PDE3A: variants seen among roughly 807,000 people sequenced by gnomAD.
PDE3A encodes phosphodiesterase 3A, also known as cGMP-inhibited 3',5'-cyclic phosphodiesterase 3A.
In PDE3A, 43 loss-of-function variants were observed where a neutral mutation model predicts 98.3. The ratio of observed to expected loss-of-function variants is 0.44; its 90% CI spans 0.34 to 0.56. PDE3A has a LOEUF of 0.56. Among genes scored for constraint, PDE3A ranks in the 20% least tolerant of loss-of-function variants. The pLI, the probability that PDE3A is intolerant of heterozygous loss-of-function variation, is 0.01. For missense variants in PDE3A, 1,427 were observed against 1,440.7 expected (o/e 0.99, Z 0.15); for synonymous variants, 663 against 567.9 (o/e 1.17, Z -2.38).
At chr12:20,404,520 A>C in intron 1 of PDE3A, among the ~76,000 whole-genome samples, 1 of 152,164 alleles carries the variant, frequency 6.6e-6, no homozygotes, top group East Asian at 1.9e-4. Context: ...CTTTATTCTG[A>C]GTTCAACCTA....
At chr12:20,398,986 C>T (rs985176046) in intron 1 of PDE3A, among the ~76,000 whole-genome samples, 16 of 152,152 alleles carry the variant, frequency 1.1e-4, no homozygotes, top group Admixed American at 9.8e-4. Context: ...ATTCCCTCTT[C>T]CTCCCAGCCC....
At chr12:20,576,669 T>TCATTTTAA (rs144952171) in intron 2 of PDE3A, among the ~76,000 whole-genome samples, 4,854 of 152,238 alleles carry the variant, frequency 0.032, 98 homozygotes, top group Middle Eastern at 0.048. Flanking sequence ...TAGACAGTTT[T>TCATTTTAA]CATTTTAAGT....
In PDE3A at chr12:20,372,301, G is replaced by C. The variant is rs547231689; in HGVS notation, c.960+2057G>C. On this transcript the variant is annotated intron_variant, in intron 1 of 15. Coordinates refer to ENST00000359062, the MANE Select transcript of PDE3A (RefSeq NM_000921.5). ...TTGGTCACTATTTTTTTTAAAGACT[G>C]TGTTAATGAAGATTATTCTAAAGTG... is the stretch of plus-strand genomic sequence containing the variant. 1.1e-3 allele frequency among the ~76,000 whole-genome samples: 173 copies of C among 152,184 alleles called. 1 individual carries two copies. Among genetic ancestry groups the C allele is most frequent in the African/African-American group, 4.1e-3 (172 of 41,538 alleles).
intron 1 of PDE3A, among the ~76,000 whole-genome samples, chr12:20,467,795 C>T (rs979909783): frequency 6.6e-6 from 1 of 151,462 alleles, no homozygotes; most frequent in Non-Finnish European, 1.5e-5. Flanking sequence ...AGTAGCTGGG[C>T]ATGGTGGCAC....
At chr12:20,435,479 C>T (rs1486368527) in intron 1 of PDE3A, among the ~76,000 whole-genome samples, 1 of 151,904 alleles carries the variant, frequency 6.6e-6, no homozygotes, top group African/African-American at 2.4e-5. Context: ...GGTTATACAA[C>T]TGCTGGAACA....
chr12:20,524,856 C>T (rs900931113), intron 1 of PDE3A, among the ~76,000 whole-genome samples: 6 of 151,974 alleles, frequency 3.9e-5, no homozygotes, highest in Non-Finnish European at 7.4e-5. Flanking sequence ...GGAGCTAGGC[C>T]GGGCTCGGTG....
In PDE3A at chr12:20,554,416, T is replaced by TTA. The variant is rs1555160470; in HGVS notation, c.961-2244_961-2243insTA. Among the ~76,000 whole-genome samples the TTA allele has an allele frequency of 1.9e-4, 28 of 150,468 alleles. No homozygotes were observed. The East Asian group carries it at 2.5e-3, about 14-fold the overall frequency. ...ATTTAGATTTATTTAATTTTTTTTT[T>TTA]ATTTCCCAAGATAGGTTGAGTATTT... On this transcript the variant is annotated intron_variant, in intron 1 of 15. Transcript: ENST00000359062.
chr12:20,548,298 G>T lies in PDE3A; in HGVS notation c.961-8362G>T, dbSNP rs774847075. On this transcript the variant is annotated intron_variant, in intron 1 of 15. Coordinates refer to ENST00000359062, the MANE Select transcript of PDE3A (RefSeq NM_000921.5). ...AGAGAATTTCTTCATCAGACGGAAA[G>T]ATTTTATTTGCCATTTGCAGGCATA... is the stretch of plus-strand genomic sequence containing the variant. 7.8e-4 allele frequency among the ~76,000 whole-genome samples: 118 copies of T among 152,116 alleles called. 1 individual carries two copies. Among genetic ancestry groups the T allele is most frequent in the Non-Finnish European group, 1.4e-3 (95 of 67,946 alleles).
At chr12:20,559,284 A>G (rs1441838476) in intron 2 of PDE3A, among the ~76,000 whole-genome samples, 1 of 152,070 alleles carries the variant, frequency 6.6e-6, no homozygotes, top group Non-Finnish European at 1.5e-5. Context: ...CTAGGTGTAT[A>G]ATAGGCTATA....
At chr12:20,407,917 TTTTA>T (rs1268925267) in intron 1 of PDE3A, among the ~76,000 whole-genome samples, 2 of 152,122 alleles carry the variant, frequency 1.3e-5, no homozygotes, top group African/African-American at 4.8e-5. Context: ...TATTTTCTAT[TTTTA>T]TTTATTTATT....
chr12:20,374,451 C>A (rs1289780948), intron 1 of PDE3A, among the ~76,000 whole-genome samples: 1 of 151,924 alleles, frequency 6.6e-6, no homozygotes, highest in African/African-American at 2.4e-5. Flanking sequence ...AATAAACAAC[C>A]AGAACAGTGA....
chr12:20,634,536 T>G (rs939081677), intron 7 of PDE3A, among the ~76,000 whole-genome samples: 2 of 152,292 alleles, frequency 1.3e-5, no homozygotes, highest in Non-Finnish European at 2.9e-5. Flanking sequence ...ACTCAGTTTC[T>G]CCCACCTCAC....
At chr12:20,568,660 T>C (rs1942721150) in intron 2 of PDE3A, among the ~76,000 whole-genome samples, 2 of 151,984 alleles carry the variant, frequency 1.3e-5, no homozygotes, top group Non-Finnish European at 2.9e-5. Flanking sequence ...TAGGTAGATT[T>C]AATGAATATT....
chr12:20,630,505 T>C (rs549028851), intron 6 of PDE3A, among the ~76,000 whole-genome samples: 1 of 152,304 alleles, frequency 6.6e-6, no homozygotes, highest in Admixed American at 6.5e-5. Context: ...ATGGGTTACA[T>C]TGATATTAGG....
intron 1 of PDE3A, among the ~76,000 whole-genome samples, chr12:20,456,130 C>T (rs1468826232): frequency 2.0e-5 from 3 of 152,108 alleles, no homozygotes; most frequent in South Asian, 2.1e-4. Flanking sequence ...TCATCTCTTT[C>T]GCAGCACTCC....
chr12:20,599,774 C>T (rs919346216), intron 2 of PDE3A, among the ~76,000 whole-genome samples: 1 of 152,134 alleles, frequency 6.6e-6, no homozygotes, highest in Admixed American at 6.5e-5. Context: ...ATATATCTAT[C>T]TTCCATTTTA....
intron 1 of PDE3A, among the ~76,000 whole-genome samples, chr12:20,395,816 C>T (rs2120633150): frequency 6.6e-6 from 1 of 151,002 alleles, no homozygotes; most frequent in East Asian, 2.0e-4. Context: ...TTAAAAATGC[C>T]AAATTATTAA....
chr12:20,424,354 T>C (rs1023525930), intron 1 of PDE3A, among the ~76,000 whole-genome samples: 5 of 152,064 alleles, frequency 3.3e-5, no homozygotes, highest in Non-Finnish European at 7.4e-5. Flanking sequence ...ACCTCCCCAC[T>C]GCCCTCTTTC....
intron 1 of PDE3A, among the ~76,000 whole-genome samples, chr12:20,546,243 A>C (rs1430427985): frequency 6.6e-5 from 10 of 152,048 alleles, no homozygotes; most frequent in Non-Finnish European, 1.5e-4. Context: ...TGGCAACCCC[A>C]GGAATTCTGT....
Sources: gnomAD v4.1 joint callset for allele counts (sites outside exome capture counted in the v4.1 genomes callset) on GRCh38, gnomAD v4.1.1 for gene constraint, MANE v1.5 for transcripts, NCBI Gene and HGNC (gene_info 2026-07-23, HGNC 2026-07-21) for gene names.